SHC3: variants seen among roughly 807,000 people sequenced by gnomAD.
SHC3 encodes SHC-transforming protein 3.
In SHC3, 15 loss-of-function variants were observed where a neutral mutation model predicts 60.4. The ratio of observed to expected loss-of-function variants is 0.25; its 90% CI spans 0.17 to 0.38. SHC3 has a LOEUF of 0.38. SHC3 is among the 10% of genes least tolerant of loss of function. The pLI, the probability that SHC3 is intolerant of heterozygous loss-of-function variation, is 1.00. For synonymous variants in SHC3, 294 were observed against 325.9 expected (o/e 0.90, Z 1.05); for missense variants, 677 against 786.1 (o/e 0.86, Z 1.66).
intron 7 of SHC3, among the ~76,000 whole-genome samples, chr9:89,051,718 G>T (rs939220447): frequency 6.6e-6 from 1 of 152,200 alleles, no homozygotes; most frequent in Non-Finnish European, 1.5e-5. Flanking sequence ...ACCCAAAGAG[G>T]TGACATATGG....
In SHC3 at chr9:89,143,351, C is replaced by A. The variant is rs117446829; in HGVS notation, c.475-30725G>T. On this transcript the variant is annotated intron_variant, in intron 1 of 11. Coordinates refer to ENST00000375835, the MANE Select transcript of SHC3 (RefSeq NM_016848.6). Reference sequence around the variant, plus strand: ...TCTTGGTTTTGGTGGGAATTAGCCACCTTCTTGACTGCAACCTGTTTTATC... The same window carrying A: ...TCTTGGTTTTGGTGGGAATTAGCCAACTTCTTGACTGCAACCTGTTTTATC... Among the ~76,000 whole-genome samples the A allele has an allele frequency of 6.7e-4, 102 of 152,178 alleles. 2 individuals carry two copies. The East Asian group carries it at 0.017, about 25-fold the overall frequency.
At chr9:89,116,577 G>T (rs575140736) in intron 1 of SHC3, among the ~76,000 whole-genome samples, 1 of 152,244 alleles carries the variant, frequency 6.6e-6, no homozygotes, top group South Asian at 2.1e-4. Flanking sequence ...TGGCATCACA[G>T]TTATGTGAAC....
intron 6 of SHC3, among the ~76,000 whole-genome samples, chr9:89,063,200 G>A (rs1471301242): frequency 1.3e-5 from 2 of 152,136 alleles, no homozygotes. Context: ...TGCGATCTCG[G>A]CTCACTGCAA....
intron 11 of SHC3, among the ~76,000 whole-genome samples, chr9:89,026,004 G>T (rs1826291062): frequency 6.6e-6 from 1 of 152,148 alleles, no homozygotes; most frequent in Middle Eastern, 3.2e-3. Flanking sequence ...AGCACTTTGG[G>T]AGGCCAAGGC....
intron 1 of SHC3, among the ~76,000 whole-genome samples, chr9:89,159,677 A>C (rs955413016): frequency 6.6e-6 from 1 of 152,238 alleles, no homozygotes; most frequent in Non-Finnish European, 1.5e-5. Context: ...GAGCCAGTCC[A>C]AGTCCCAAAA....
At chr9:89,039,565 C>A (rs776108532) in intron 10 of SHC3, among the ~76,000 whole-genome samples, 1 of 152,168 alleles carries the variant, frequency 6.6e-6, no homozygotes, top group Non-Finnish European at 1.5e-5. Context: ...TCATCCCCAA[C>A]ATCGCCACCA....
At chr9:89,157,020 T>G (rs1826632809) in intron 1 of SHC3, among the ~76,000 whole-genome samples, 1 of 152,084 alleles carries the variant, frequency 6.6e-6, no homozygotes, top group Non-Finnish European at 1.5e-5. Context: ...CATAAACCCT[T>G]ACGTTTAAGC....
intron 1 of SHC3, among the ~76,000 whole-genome samples, chr9:89,151,224 T>G (rs1245144797): frequency 6.6e-6 from 1 of 152,158 alleles, no homozygotes; most frequent in Admixed American, 6.6e-5. Context: ...CTCACTATGT[T>G]GCCCAGGCTG....
rs1824612006 is a variant in SHC3, at chr9:89,038,041, C to T, written c.1608G>A (p.Met536Ile). The T allele has an allele frequency of 6.2e-7, 1 of 1,613,388 alleles. No homozygotes were observed. Among genetic ancestry groups the T allele is most frequent in the Non-Finnish European group, 8.5e-7 (1 of 1,180,042 alleles). ...TNPGSFVLTGMHNGQAKHLLL... is the reference protein window; with the variant it reads ...TNPGSFVLTGIHNGQAKHLLL... ...GCAGGTGCTTGGCCTGGCCATTGTG[C>T]ATGCCCGTGAGGACAAAGGAGCCCG... Residue 536 changes from methionine to isoleucine, a missense_variant, in exon 11 of 12, where the codon ATG becomes ATA. Coordinates refer to ENST00000375835, the MANE Select transcript of SHC3 (RefSeq NM_016848.6).
At chr9:89,018,111 T>A (rs1411775077) in intron 11 of SHC3, among the ~76,000 whole-genome samples, 1 of 152,160 alleles carries the variant, frequency 6.6e-6, no homozygotes, top group African/African-American at 2.4e-5. Context: ...GAACCAGAAA[T>A]ACCATTTGAC....
chr9:89,014,526 A>C (rs1286379479), intron 11 of SHC3, among the ~76,000 whole-genome samples: 1 of 152,108 alleles, frequency 6.6e-6, no homozygotes, highest in African/African-American at 2.4e-5. Context: ...GGTCAGCTGA[A>C]TTCCCTGGCT....
chr9:89,155,462 C>G (rs1239417059), intron 1 of SHC3, among the ~76,000 whole-genome samples: 1 of 152,162 alleles, frequency 6.6e-6, no homozygotes, highest in Non-Finnish European at 1.5e-5. Flanking sequence ...CATTGCTTCT[C>G]CATCCTTACA....
intron 1 of SHC3, among the ~76,000 whole-genome samples, chr9:89,146,428 G>C (rs1371160784): frequency 6.6e-6 from 1 of 150,790 alleles, no homozygotes; most frequent in Non-Finnish European, 1.5e-5. Flanking sequence ...ATTAACTGAG[G>C]CTGTACTCAA....
At chr9:89,092,805 C>T (rs1178928550) in intron 2 of SHC3, among the ~76,000 whole-genome samples, 1 of 151,654 alleles carries the variant, frequency 6.6e-6, no homozygotes, top group Non-Finnish European at 1.5e-5. Flanking sequence ...AAGCTATTAA[C>T]ACTGGTCATC....
intron 1 of SHC3, among the ~76,000 whole-genome samples, chr9:89,172,572 C>T (rs1826885437): frequency 6.6e-6 from 1 of 151,312 alleles, no homozygotes; most frequent in Admixed American, 6.6e-5. Flanking sequence ...GACACACACA[C>T]ACAGACACAC....
chr9:89,150,451 A>T (rs1202588749), intron 1 of SHC3, among the ~76,000 whole-genome samples: 1 of 152,204 alleles, frequency 6.6e-6, no homozygotes, highest in Non-Finnish European at 1.5e-5. Flanking sequence ...ATGTAAATGG[A>T]ATAGTACAAT....
Position 89,109,919 on chromosome 9 carries a change from CAT to C in SHC3, c.545+2635_545+2636del, listed in dbSNP as rs932012791. ...GCAATTTCATAGCATTCAGTCCACT[CAT>C]GCACTGACAGCTGACCTGCATGTTC... is the stretch of plus-strand genomic sequence containing the variant. On this transcript the variant is annotated intron_variant, in intron 2 of 11. Coordinates refer to ENST00000375835, the MANE Select transcript of SHC3 (RefSeq NM_016848.6). 9.1e-6 allele frequency: 9 copies of C among 985,412 alleles called. No homozygotes were observed. In the African/African-American group the frequency reaches 1.6e-4, roughly 17 times the overall value. The allele number at this position is 985,412 out of a possible 1,614,324, so 61.0% of individuals were successfully genotyped here.
chr9:89,104,845 T>C (rs1825834940), intron 2 of SHC3, among the ~76,000 whole-genome samples: 1 of 152,196 alleles, frequency 6.6e-6, no homozygotes, highest in African/African-American at 2.4e-5. Context: ...TATAAATTAT[T>C]CATATTCAAT....
intron 11 of SHC3, among the ~76,000 whole-genome samples, chr9:89,018,181 C>T (rs1478673461): frequency 1.3e-5 from 2 of 152,176 alleles, no homozygotes; most frequent in Non-Finnish European, 2.9e-5. Flanking sequence ...ACTAAAAAGA[C>T]CCATGCACAC....
Sources: allele counts gnomAD v4.1 joint callset (sites outside exome capture counted in the v4.1 genomes callset), GRCh38; gene constraint gnomAD v4.1.1; transcripts MANE v1.5; gene names NCBI Gene and HGNC (gene_info 2026-07-23, HGNC 2026-07-21).